The following AGBL4 variants were observed in gnomAD, a reference collection of about 807,000 sequenced individuals.
AGBL4 encodes the protein cytosolic carboxypeptidase 6.
A neutral mutation model predicts 66.4 loss-of-function variants in AGBL4; 58 were observed. The ratio of observed to expected loss-of-function variants is 0.87; its 90% CI spans 0.71 to 1.09. AGBL4 has a LOEUF of 1.09. Ranked by LOEUF, AGBL4 falls within the 50% of genes least tolerant of loss-of-function variation. AGBL4 has a pLI of 0.00. For missense variants in AGBL4, 579 were observed against 631.0 expected (o/e 0.92, Z 0.88); for synonymous variants, 234 against 222.9 (o/e 1.05, Z -0.44).
chr1:49,865,466 T>C (rs986307036), intron 1 of AGBL4, among the ~76,000 whole-genome samples: 1 of 152,012 alleles, frequency 6.6e-6, no homozygotes, highest in African/African-American at 2.4e-5. Flanking sequence ...CCCAGGCAAA[T>C]AGAGTCTGGA....
chr1:49,359,902 A>T, intron 3 of AGBL4, among the ~76,000 whole-genome samples: 1 of 152,148 alleles, frequency 6.6e-6, no homozygotes, highest in East Asian at 1.9e-4. Context: ...GTACTTCACA[A>T]TTAAAATCAG....
At chr1:49,246,775 G>C (rs1651679697) in intron 3 of AGBL4, among the ~76,000 whole-genome samples, 2 of 152,042 alleles carry the variant, frequency 1.3e-5, no homozygotes, top group African/African-American at 4.8e-5. Context: ...GAGAGCTACG[G>C]GTAGAGCAGC....
intron 3 of AGBL4, among the ~76,000 whole-genome samples, chr1:49,373,817 A>G (rs1378822202): frequency 6.6e-6 from 1 of 152,132 alleles, no homozygotes; most frequent in African/African-American, 2.4e-5. Context: ...AAAATACTCC[A>G]GAACCATTTT....
At chr1:49,358,790 G>A (rs1644073853) in intron 3 of AGBL4, among the ~76,000 whole-genome samples, 1 of 152,074 alleles carries the variant, frequency 6.6e-6, no homozygotes, top group Admixed American at 6.6e-5. Context: ...ACTTTTCAAT[G>A]GAAAATAATA....
intron 2 of AGBL4, among the ~76,000 whole-genome samples, chr1:49,838,388 T>C (rs2148033859): frequency 6.6e-6 from 1 of 152,336 alleles, no homozygotes; most frequent in South Asian, 2.1e-4. Context: ...GAGGTTCCTC[T>C]TAGCTGAGGT....
chr1:48,795,356 A>T (rs1645649051), intron 6 of AGBL4, among the ~76,000 whole-genome samples: 1 of 152,120 alleles, frequency 6.6e-6, no homozygotes, highest in African/African-American at 2.4e-5. Flanking sequence ...TGCTTCAGTC[A>T]AACTGGCTGC....
chr1:49,800,488 T>C (rs1644834478), intron 2 of AGBL4, among the ~76,000 whole-genome samples: 1 of 126,476 alleles, frequency 7.9e-6, no homozygotes, highest in Admixed American at 8.1e-5. Flanking sequence ...TAGCATTAGG[T>C]ATATCTCCCA....
chr1:49,884,938 A>T (rs1358197652), intron 1 of AGBL4, among the ~76,000 whole-genome samples: 1 of 151,942 alleles, frequency 6.6e-6, no homozygotes, highest in Non-Finnish European at 1.5e-5. Flanking sequence ...CTGCTGAAAC[A>T]TCTAGAAATA....
chr1:49,697,488 C>G, intron 2 of AGBL4, 51 bp from the exon 3 acceptor site: 1 of 1,361,436 alleles, frequency 7.3e-7, no homozygotes, highest in South Asian at 1.4e-5. Context: ...TCATGCAGCT[C>G]AATGGTACAC....
intron 3 of AGBL4, among the ~76,000 whole-genome samples, chr1:49,639,021 T>C (rs1416846284): frequency 6.6e-6 from 1 of 152,100 alleles, no homozygotes; most frequent in East Asian, 1.9e-4. Context: ...AGTGCCCTAA[T>C]AGACACAGTA....
chr1:49,640,036 A>G (rs1032701645), intron 3 of AGBL4, among the ~76,000 whole-genome samples: 4 of 152,256 alleles, frequency 2.6e-5, no homozygotes, highest in African/African-American at 9.6e-5. Flanking sequence ...CAGGAGGCCA[A>G]TATTTCTCCT....
intron 2 of AGBL4, chr1:49,845,434 G>A: frequency 2.1e-6 from 3 of 1,451,726 alleles, no homozygotes; most frequent in Non-Finnish European, 2.9e-6. Context: ...GTGTGGGAAA[G>A]CCTTCCAGCA....
chr1:48,781,732 G>T (rs1645297106), intron 6 of AGBL4, among the ~76,000 whole-genome samples: 1 of 152,100 alleles, frequency 6.6e-6, no homozygotes. Context: ...CACTGAGGTA[G>T]AATCTTTAAC....
intron 4 of AGBL4, among the ~76,000 whole-genome samples, chr1:49,140,914 C>T (rs1338686471): frequency 6.6e-6 from 1 of 152,270 alleles, no homozygotes; most frequent in Middle Eastern, 3.4e-3. Context: ...AAATTGCCAT[C>T]ATGCAAAACT....
intron 1 of AGBL4, among the ~76,000 whole-genome samples, chr1:49,967,642 T>C (rs1657676490): frequency 6.6e-6 from 1 of 151,942 alleles, no homozygotes; most frequent in African/African-American, 2.4e-5. Context: ...TAAAGTATAA[T>C]CAAAAAATTG....
At chr1:49,941,188 T>G (rs1295144655) in intron 1 of AGBL4, among the ~76,000 whole-genome samples, 2 of 152,104 alleles carry the variant, frequency 1.3e-5, no homozygotes, top group Non-Finnish European at 2.9e-5. Flanking sequence ...AATCAGTAGT[T>G]TTTTAAGTCT....
In AGBL4 at chr1:49,258,420, C is replaced by T. The variant is rs989214218; in HGVS notation, c.283-12556G>A. 3.6e-4 allele frequency among the ~76,000 whole-genome samples: 54 copies of T among 152,108 alleles called. 1 individual carries two copies. Among genetic ancestry groups the T allele is most frequent in the African/African-American group, 1.1e-3 (44 of 41,520 alleles). On this transcript the variant is annotated intron_variant, in intron 3 of 13. Coordinates refer to ENST00000371839, the MANE Select transcript of AGBL4 (RefSeq NM_032785.4). ...TTGAAAAATTTGAAAAAAATTTAGA[C>T]GAATGTATAACTAGAATAACCAATA...
At chr1:49,095,855 A>C (rs1217088597) in intron 4 of AGBL4, among the ~76,000 whole-genome samples, 26 of 151,084 alleles carry the variant, frequency 1.7e-4, no homozygotes, top group African/African-American at 2.4e-4. Flanking sequence ...TAATTAAACT[A>C]AAGAGCTTCT....
chr1:49,781,066 T>C (rs139650563), intron 2 of AGBL4, among the ~76,000 whole-genome samples: 232 of 152,220 alleles, frequency 1.5e-3, no homozygotes, highest in African/African-American at 5.2e-3. Flanking sequence ...GGAGTTGCTA[T>C]ACTAATATCA....
Sources: allele counts gnomAD v4.1 joint callset (sites outside exome capture counted in the v4.1 genomes callset), GRCh38; gene constraint gnomAD v4.1.1; transcripts MANE v1.5; gene names NCBI Gene and HGNC (gene_info 2026-07-23, HGNC 2026-07-21).